ADAMTSL1: variants seen among roughly 807,000 people sequenced by gnomAD.
The protein encoded by ADAMTSL1 is ADAMTS-like protein 1.
In ADAMTSL1, 126 loss-of-function variants were observed where a neutral mutation model predicts 201.8. The observed-to-expected ratio is 0.62, with a 90% confidence interval of 0.54 to 0.72. The LOEUF (loss-of-function observed/expected upper bound fraction) is 0.72, where lower values mean the gene tolerates loss of function less well. Among genes scored for constraint, ADAMTSL1 ranks in the 30% least tolerant of loss-of-function variants. The pLI is 0.00. For missense variants in ADAMTSL1, 2,679 were observed against 2,277.8 expected (o/e 1.18, Z -3.59); for synonymous variants, 1,121 against 903.4 (o/e 1.24, Z -4.32).
At chr9:18,435,963 C>A (rs948056054) in intron 2 of ADAMTSL1, among the ~76,000 whole-genome samples, 1 of 152,110 alleles carries the variant, frequency 6.6e-6, no homozygotes, top group East Asian at 1.9e-4. Context: ...GGTCATGGAG[C>A]CAAACCATAT....
In ADAMTSL1 at chr9:18,366,627, ATTTT is replaced by A. The variant is rs772034324; in HGVS notation, c.208-138165_208-138162del. 1.5e-4 allele frequency among the ~76,000 whole-genome samples: 17 copies of A among 112,742 alleles called. 1 individual carries two copies. Among genetic ancestry groups the A allele is most frequent in the Non-Finnish European group, 2.1e-4 (12 of 56,516 alleles). 74.0% of individuals were successfully genotyped at this position (112,742 alleles called of 152,430 possible). On this transcript the variant is annotated intron_variant, in intron 2 of 29. Transcript: ENST00000680146. ...ATGGATAGTGCCTCTGAAATCACTA[ATTTT>A]TTTTTTTTTTTTTTTTTTTTTTTTT...
chr9:18,617,264 T>G (rs764485682), intron 4 of ADAMTSL1, among the ~76,000 whole-genome samples: 14 of 152,200 alleles, frequency 9.2e-5, no homozygotes, highest in Non-Finnish European at 1.8e-4. Flanking sequence ...TTCTCCAAAT[T>G]ATTAGCATGG....
intron 23 of ADAMTSL1, among the ~76,000 whole-genome samples, chr9:18,871,687 A>G (rs1827878302): frequency 6.6e-6 from 1 of 152,076 alleles, no homozygotes; most frequent in Non-Finnish European, 1.5e-5. Flanking sequence ...TGACTTACCT[A>G]TTTCTGTTCA....
intron 1 of ADAMTSL1, among the ~76,000 whole-genome samples, chr9:18,000,449 G>A (rs1819566191): frequency 6.6e-6 from 1 of 151,750 alleles, no homozygotes; most frequent in Non-Finnish European, 1.5e-5. Flanking sequence ...TCTCTCCTAT[G>A]GACCCACAGT....
chr9:18,824,163 T>C (rs186809763), intron 21 of ADAMTSL1, among the ~76,000 whole-genome samples: 28 of 147,212 alleles, frequency 1.9e-4, no homozygotes, highest in Admixed American at 1.5e-3. Context: ...TCTGAGGCTG[T>C]CTCCTAAATG....
intron 2 of ADAMTSL1, among the ~76,000 whole-genome samples, chr9:18,293,192 T>G (rs918051810): frequency 1.3e-5 from 2 of 152,252 alleles, no homozygotes; most frequent in Non-Finnish European, 2.9e-5. Flanking sequence ...TGATTCCATG[T>G]CTTTGCTATT....
intron 16 of ADAMTSL1, among the ~76,000 whole-genome samples, chr9:18,758,494 G>A (rs370540419): frequency 7.9e-5 from 12 of 152,304 alleles, no homozygotes; most frequent in Non-Finnish European, 1.6e-4. Flanking sequence ...GCAGGCCTGC[G>A]TGCCCTCTGG....
At chr9:18,124,149 C>G (rs1825635068) in intron 1 of ADAMTSL1, among the ~76,000 whole-genome samples, 1 of 132,362 alleles carries the variant, frequency 7.6e-6, no homozygotes. Flanking sequence ...GTGGCTCCGT[C>G]TCAGCTCACT....
chr9:18,742,012 G>T (rs1043316840), intron 15 of ADAMTSL1, among the ~76,000 whole-genome samples: 4 of 152,112 alleles, frequency 2.6e-5, no homozygotes, highest in South Asian at 2.1e-4. Flanking sequence ...GTTCTAAGTA[G>T]AGTGCTACAG....
At chr9:18,461,741 C>T (rs16936729) in intron 2 of ADAMTSL1, among the ~76,000 whole-genome samples, 17,691 of 152,144 alleles carry the variant, frequency 0.12, 1,113 homozygotes, top group African/African-American at 0.15. Flanking sequence ...ATAGTAGTCT[C>T]TGAGGAAGCA....
chr9:18,239,285 G>A (rs1830968527), intron 2 of ADAMTSL1, among the ~76,000 whole-genome samples: 1 of 152,154 alleles, frequency 6.6e-6, no homozygotes, highest in Non-Finnish European at 1.5e-5. Flanking sequence ...GCTGTTTGAT[G>A]GCATTTTACC....
Position 18,331,137 on chromosome 9 carries a change from G to T in ADAMTSL1, c.207+167156G>T, listed in dbSNP as rs1001511514. Among the ~76,000 whole-genome samples, 6 of 152,292 alleles carry T rather than the reference G, an allele frequency of 3.9e-5. No homozygotes were observed. In the South Asian group the frequency reaches 1.0e-3, roughly 26 times the overall value. On this transcript the variant is annotated intron_variant, in intron 2 of 29. Coordinates refer to the ADAMTSL1 transcript ENST00000680146. ...GTGTGAGAAGGCAACAAAGGTGTAAGACAAAGGAGCTGTTTGAGGACTGCA... is the reference window on the plus strand; with the variant it reads ...GTGTGAGAAGGCAACAAAGGTGTAATACAAAGGAGCTGTTTGAGGACTGCA...
chr9:18,351,152 T>A (rs1835947071), intron 2 of ADAMTSL1, among the ~76,000 whole-genome samples: 1 of 151,678 alleles, frequency 6.6e-6, no homozygotes, highest in Admixed American at 6.6e-5. Flanking sequence ...TGCATCTAGA[T>A]TAATAAGGTG....
intron 1 of ADAMTSL1, among the ~76,000 whole-genome samples, chr9:17,926,195 T>C (rs1826519158): frequency 6.6e-6 from 1 of 152,206 alleles, no homozygotes; most frequent in South Asian, 2.1e-4. Flanking sequence ...GTGATGTTTC[T>C]TTCAGACATC....
At chr9:18,748,755 C>T (rs931617702) in intron 15 of ADAMTSL1, among the ~76,000 whole-genome samples, 2 of 152,200 alleles carry the variant, frequency 1.3e-5, no homozygotes, top group African/African-American at 4.8e-5. Flanking sequence ...CCATGCTCAA[C>T]ACTGAGGTTC....
chr9:18,379,744 A>G (rs1343649465), intron 2 of ADAMTSL1, among the ~76,000 whole-genome samples: 2 of 152,228 alleles, frequency 1.3e-5, no homozygotes, highest in Non-Finnish European at 2.9e-5. Flanking sequence ...CTATGAGATG[A>G]AAGAAAAAAC....
intron 1 of ADAMTSL1, among the ~76,000 whole-genome samples, chr9:17,992,975 C>A (rs1290114835): frequency 6.6e-6 from 1 of 152,086 alleles, no homozygotes; most frequent in East Asian, 1.9e-4. Context: ...GGGTATTAAT[C>A]TATGTAAATT....
At chr9:18,709,144 A>G (rs1832404728) in intron 14 of ADAMTSL1, among the ~76,000 whole-genome samples, 2 of 152,226 alleles carry the variant, frequency 1.3e-5, no homozygotes, top group African/African-American at 2.4e-5. Context: ...TGCCAAGGTA[A>G]TATATTTAAG....
chr9:18,782,096 G>C (rs1821426792), intron 19 of ADAMTSL1, among the ~76,000 whole-genome samples: 1 of 152,008 alleles, frequency 6.6e-6, no homozygotes, highest in African/African-American at 2.4e-5. Context: ...CCTTTATTCT[G>C]CAAACAATCT....
Sources: gnomAD v4.1 joint callset for allele counts (sites outside exome capture counted in the v4.1 genomes callset) on GRCh38, gnomAD v4.1.1 for gene constraint, MANE v1.5 for transcripts, NCBI Gene and HGNC (gene_info 2026-07-23, HGNC 2026-07-21) for gene names.